GSAP: variants seen among roughly 807,000 people sequenced by gnomAD.
GSAP encodes gamma-secretase-activating protein.
In GSAP, 118 loss-of-function variants were observed where a neutral mutation model predicts 131.7. The ratio of observed to expected loss-of-function variants is 0.90; its 90% CI spans 0.77 to 1.04. The LOEUF (loss-of-function observed/expected upper bound fraction) is 1.04, where lower values mean the gene tolerates loss of function less well. GSAP is among the 50% of genes least tolerant of loss of function. The pLI, the probability that GSAP is intolerant of heterozygous loss-of-function variation, is 0.00. For missense variants in GSAP, 1,019 were observed against 1,013.2 expected, an observed-to-expected ratio of 1.01 and a Z score of -0.08; for synonymous variants, 381 against 363.4, an observed-to-expected ratio of 1.05 and a Z score of -0.55.
intron 12 of GSAP, among the ~76,000 whole-genome samples, chr7:77,371,332 C>T (rs1023548619): frequency 6.6e-6 from 1 of 152,128 alleles, no homozygotes; most frequent in Non-Finnish European, 1.5e-5. Context: ...CCTGTACTGC[C>T]CATCCTAGTT....
chr7:77,367,344 G>A (rs1430655398), intron 12 of GSAP, among the ~76,000 whole-genome samples: 1 of 152,168 alleles, frequency 6.6e-6, no homozygotes, highest in Admixed American at 6.5e-5. Flanking sequence ...TTGGCTATGG[G>A]TTTGTCATAG....
intron 13 of GSAP, among the ~76,000 whole-genome samples, chr7:77,361,254 G>A (rs546754396): frequency 6.6e-6 from 1 of 152,160 alleles, no homozygotes; most frequent in Non-Finnish European, 1.5e-5. Flanking sequence ...CGCCACACAC[G>A]TGCAGTCATT....
intron 8 of GSAP, among the ~76,000 whole-genome samples, chr7:77,378,739 C>T (rs1163641535): frequency 6.6e-6 from 1 of 152,188 alleles, no homozygotes; most frequent in African/African-American, 2.4e-5. Context: ...GTCCTGGAAT[C>T]CTCCCAGTGC....
Position 77,369,591 on chromosome 7 carries a change from T to C in GSAP, c.871+4479A>G, listed in dbSNP as rs571627350. On this transcript the variant is annotated intron_variant, in intron 12 of 30. Transcript: ENST00000257626. ...AATATTATTATATCATCATCATTAA[T>C]GTAAATAGTTGAAGTAAGTTTGTAT... Among the ~76,000 whole-genome samples the C allele has an allele frequency of 2.6e-5, 4 of 152,352 alleles. No individual in the cohort carries two copies. In the South Asian group the frequency reaches 8.3e-4, roughly 32 times the overall value.
Position 77,416,215 on chromosome 7 carries a change from G to T in GSAP, c.107C>A (p.Ala36Glu). The stretch of plus-strand genomic sequence containing the variant: ...TCTCCGCAGCGCGCCTCCCGCACCT[G>T]CGCCGCCGCTTCCGGCCCCGCTGGC... ...SEASGAGSGG[A>E]DVLENDYESL... Residue 36 changes from alanine to glutamate, a missense_variant and splice_region_variant, in exon 1 of 31, where the codon GCA (alanine) becomes GAA (glutamate). Transcript: ENST00000257626. 7.0e-7 allele frequency: 1 copy of T among 1,422,552 alleles called. No individual in the cohort carries two copies. The highest frequency in any genetic ancestry group is 9.2e-7 in the Non-Finnish European group (1 of 1,082,872). 88.1% of individuals were successfully genotyped at this position (1,422,552 alleles called of 1,614,324 possible).
At chr7:77,312,268 T>G (rs1584180943) in intron 28 of GSAP, 66 bp from the exon 29 acceptor site, 1 of 740,028 alleles carries the variant, frequency 1.4e-6, no homozygotes, top group East Asian at 2.6e-5. Flanking sequence ...ACACCTTATA[T>G]CTATTCATAA....
chr7:77,381,481 C>T, intron 7 of GSAP, 127 bp from the exon 8 acceptor site: 1 of 507,258 alleles, frequency 2.0e-6, no homozygotes, highest in Non-Finnish European at 3.4e-6. Context: ...AGAAAAACAA[C>T]ACTATCACAA....
intron 16 of GSAP, 27 bp downstream of exon 16, chr7:77,355,186 A>G (rs1480617061): frequency 2.7e-6 from 4 of 1,459,666 alleles, no homozygotes; most frequent in Non-Finnish European, 2.9e-6. Flanking sequence ...CTATCTGCCC[A>G]TTTTAAAACA....
intron 19 of GSAP, among the ~76,000 whole-genome samples, chr7:77,333,690 T>C (rs1789514467): frequency 6.6e-6 from 1 of 152,160 alleles, no homozygotes; most frequent in Non-Finnish European, 1.5e-5. Context: ...ATAGGAGATA[T>C]AGTTAAAGAG....
chr7:77,351,106 A>C, intron 18 of GSAP: 1 of 972,930 alleles, frequency 1.0e-6, no homozygotes, highest in Non-Finnish European at 1.2e-6. Flanking sequence ...AAAAAAGGGT[A>C]TCATGGGGAC....
intron 1 of GSAP, 33 bp downstream of exon 1, chr7:77,416,180 C>A: frequency 1.9e-6 from 2 of 1,030,246 alleles, no homozygotes; most frequent in South Asian, 1.7e-5. Flanking sequence ...CCACTCCCCG[C>A]CCCCACCCCT....
Position 77,375,058 on chromosome 7 carries a change from T to G in GSAP, c.785A>C (p.Lys262Thr). 1 of 1,485,846 alleles carries G rather than the reference T, an allele frequency of 6.7e-7. No homozygotes were observed. Among genetic ancestry groups the G allele is most frequent in the Non-Finnish European group, 9.3e-7 (1 of 1,072,458 alleles). 92.0% of individuals were successfully genotyped at this position (1,485,846 alleles called of 1,614,324 possible). A position where few individuals can be genotyped will look rare whatever the true frequency, so the allele number is the denominator to read the frequency against. The change falls in exon 11 of 31, where the codon AAA (lysine) becomes ACA (threonine). Residue 262 changes from lysine (K) to threonine (T), a missense_variant and splice_region_variant. Coordinates refer to ENST00000257626, the MANE Select transcript of GSAP (RefSeq NM_017439.4). ...TAGTAACAACCTATGAATAACTTAC[T>G]TAAATCCTGAGTTGCTTAATGATAT... is the stretch of plus-strand genomic sequence containing the variant. ...LDISLSNSGF[K>T]LVNFGCDYHQ...
intron 6 of GSAP, among the ~76,000 whole-genome samples, chr7:77,386,341 T>C (rs1050154249): frequency 6.6e-6 from 1 of 152,204 alleles, no homozygotes; most frequent in Admixed American, 6.5e-5. Flanking sequence ...TATCCTGTGA[T>C]CATGGCTTTT....
At chr7:77,375,220 A>G (rs2150997566) in intron 10 of GSAP, 119 bp from the exon 11 acceptor site, 1 of 595,226 alleles carries the variant, frequency 1.7e-6, no homozygotes, top group South Asian at 2.2e-5. Context: ...ATGATATTTA[A>G]CCATCATTGT....
chr7:77,392,797 G>A (rs1020108360), intron 5 of GSAP, among the ~76,000 whole-genome samples: 1 of 152,168 alleles, frequency 6.6e-6, no homozygotes, highest in Non-Finnish European at 1.5e-5. Flanking sequence ...CTCTTGAACC[G>A]AATCACAGCT....
At chr7:77,370,955 C>T (rs1334770293) in intron 12 of GSAP, among the ~76,000 whole-genome samples, 1 of 151,992 alleles carries the variant, frequency 6.6e-6, no homozygotes, top group African/African-American at 2.4e-5. Flanking sequence ...TTCTTTTTTC[C>T]TTTTCGTTTG....
intron 19 of GSAP, among the ~76,000 whole-genome samples, chr7:77,332,563 C>T (rs538130071): frequency 3.3e-5 from 5 of 152,086 alleles, no homozygotes; most frequent in African/African-American, 9.7e-5. Flanking sequence ...TTTGTATGAG[C>T]GCTCTTCTGG....
chr7:77,356,364 T>G (rs2150881336), intron 14 of GSAP, among the ~76,000 whole-genome samples: 1 of 152,362 alleles, frequency 6.6e-6, no homozygotes, highest in East Asian at 1.9e-4. Context: ...CTTAATTTGA[T>G]AAGCTGGAAA....
chr7:77,352,809 A>C (rs1240131320), intron 18 of GSAP, 135 bp downstream of exon 18: 1 of 542,458 alleles, frequency 1.8e-6, no homozygotes, highest in Non-Finnish European at 3.3e-6. Flanking sequence ...TGCCAAAAAA[A>C]ATTCAACTGA....
Sources: gnomAD v4.1 joint callset for allele counts (sites outside exome capture counted in the v4.1 genomes callset) on GRCh38, gnomAD v4.1.1 for gene constraint, MANE v1.5 for transcripts, NCBI Gene and HGNC (gene_info 2026-07-23, HGNC 2026-07-21) for gene names.